WASF1: variants seen among roughly 807,000 people sequenced by gnomAD.
The protein encoded by WASF1 is actin-binding protein WASF1.
WASF1 carries 7 observed loss-of-function variants against 50.5 expected under a neutral mutation model. The ratio of observed to expected loss-of-function variants is 0.14; its 90% CI spans 0.08 to 0.26. The LOEUF is 0.26. Ranked by LOEUF, WASF1 falls within the 10% of genes least tolerant of loss-of-function variation. The pLI is 1.00. For missense variants in WASF1, 470 were observed against 694.7 expected (o/e 0.68, Z 3.64); for synonymous variants, 205 against 244.0 (o/e 0.84, Z 1.49).
At chr6:110,147,191 CA>C (rs1252641431) in intron 3 of WASF1, among the ~76,000 whole-genome samples, 1 of 151,746 alleles carries the variant, frequency 6.6e-6, no homozygotes. Context: ...ACTAAAAATA[CA>C]AAAATTAGCC....
chr6:110,117,470 G>A (rs1773865577), intron 4 of WASF1, among the ~76,000 whole-genome samples: 1 of 152,110 alleles, frequency 6.6e-6, no homozygotes. Context: ...TAAAAAAAGA[G>A]TGAAAAGAAA....
At chr6:110,132,202 T>A (rs912518385) in intron 3 of WASF1, among the ~76,000 whole-genome samples, 2 of 152,092 alleles carry the variant, frequency 1.3e-5, no homozygotes, top group Non-Finnish European at 2.9e-5. Context: ...TTTTTAATAT[T>A]GACCCTATAT....
At chr6:110,107,231 A>G in intron 6 of WASF1, 37 bp from the exon 7 acceptor site, 1 of 1,317,626 alleles carries the variant, frequency 7.6e-7, no homozygotes, top group Non-Finnish European at 1.1e-6. Context: ...ACACATTAGT[A>G]AGACTTAGGC....
intron 4 of WASF1, among the ~76,000 whole-genome samples, chr6:110,124,274 CTATATATATATATATATATATATATA>C (rs35703116): frequency 9.7e-5 from 2 of 20,516 alleles, no homozygotes; most frequent in Non-Finnish European, 1.5e-4. Flanking sequence ...CTCTCTCTCT[CTATATATATATATATATATATATATA>C]TATATATATG....
At chr6:110,175,015 TCA>T (rs1409678230) in intron 2 of WASF1, among the ~76,000 whole-genome samples, 1 of 152,124 alleles carries the variant, frequency 6.6e-6, no homozygotes, top group Non-Finnish European at 1.5e-5. Context: ...CTCAAGGAGT[TCA>T]CAGATTCACT....
At chr6:110,174,945 G>A (rs894830801) in intron 2 of WASF1, among the ~76,000 whole-genome samples, 15 of 152,046 alleles carry the variant, frequency 9.9e-5, no homozygotes, top group African/African-American at 2.4e-5. Context: ...AACAGGCACT[G>A]GGAACACAAA....
At chr6:110,144,779 C>A (rs1775459687) in intron 3 of WASF1, among the ~76,000 whole-genome samples, 3 of 152,128 alleles carry the variant, frequency 2.0e-5, no homozygotes, top group Admixed American at 2.0e-4. Flanking sequence ...AGATATGCGG[C>A]ATTATTTCTG....
chr6:110,106,953 A>G, intron 7 of WASF1, 124 bp downstream of exon 7: 2 of 686,184 alleles, frequency 2.9e-6, no homozygotes, highest in South Asian at 1.8e-5. Flanking sequence ...TAAAGACTTC[A>G]GTATTTAACT....
intron 3 of WASF1, among the ~76,000 whole-genome samples, chr6:110,132,291 C>T (rs966774202): frequency 5.9e-5 from 9 of 151,742 alleles, no homozygotes; most frequent in African/African-American, 2.2e-4. Context: ...TGAATAGTGA[C>T]GATTTCCTCC....
At chr6:110,119,498 T>C (rs1279052426) in intron 4 of WASF1, among the ~76,000 whole-genome samples, 2 of 151,992 alleles carry the variant, frequency 1.3e-5, no homozygotes, top group Non-Finnish European at 2.9e-5. Flanking sequence ...AGGAAGAAGG[T>C]GAATCTCTGA....
At chr6:110,167,345 G>A (rs1311281038) in intron 2 of WASF1, among the ~76,000 whole-genome samples, 2 of 151,622 alleles carry the variant, frequency 1.3e-5, no homozygotes, top group Non-Finnish European at 2.9e-5. Flanking sequence ...GCTCTTTCAG[G>A]AGGTATTCCA....
chr6:110,145,993 GA>G (rs1159837733), intron 3 of WASF1, among the ~76,000 whole-genome samples: 4 of 110,924 alleles, frequency 3.6e-5, no homozygotes, highest in Non-Finnish European at 7.0e-5. Context: ...GGGGTGGGGG[GA>G]GGGGGGAGGG....
At chr6:110,164,461 G>A (rs1394361891) in intron 2 of WASF1, among the ~76,000 whole-genome samples, 1 of 151,652 alleles carries the variant, frequency 6.6e-6, no homozygotes, top group African/African-American at 2.4e-5. Flanking sequence ...ATGAAAAGAT[G>A]CTCAACATCA....
intron 5 of WASF1, among the ~76,000 whole-genome samples, 158 bp downstream of exon 5, chr6:110,113,168 G>A (rs1773645194): frequency 6.6e-6 from 1 of 151,982 alleles, no homozygotes; most frequent in Non-Finnish European, 1.5e-5. Flanking sequence ...TCATACTGAT[G>A]GCATTTTTAG....
At chr6:110,121,958 C>G (rs2114500211) in intron 4 of WASF1, among the ~76,000 whole-genome samples, 1 of 151,936 alleles carries the variant, frequency 6.6e-6, no homozygotes, top group Admixed American at 6.6e-5. Flanking sequence ...ACCAGATGTT[C>G]TCACTCCTAG....
intron 3 of WASF1, among the ~76,000 whole-genome samples, chr6:110,151,675 G>A (rs1278290891): frequency 6.6e-6 from 1 of 152,040 alleles, no homozygotes; most frequent in Non-Finnish European, 1.5e-5. Context: ...TCACAATTTT[G>A]AGTGAACTTA....
chr6:110,120,452 T>C (rs1774045220), intron 4 of WASF1, among the ~76,000 whole-genome samples: 1 of 152,066 alleles, frequency 6.6e-6, no homozygotes, highest in Non-Finnish European at 1.5e-5. Context: ...ACAAAGAGAA[T>C]AAAATACCTA....
At chr6:110,105,614 T>C in intron 7 of WASF1, 35 bp from the exon 8 acceptor site, 1 of 1,594,626 alleles carries the variant, frequency 6.3e-7, no homozygotes, top group South Asian at 1.1e-5. Flanking sequence ...GTCAAATGCT[T>C]AAGCGCTAAT....
intron 4 of WASF1, among the ~76,000 whole-genome samples, chr6:110,126,619 T>C (rs1225055142): frequency 6.6e-6 from 1 of 152,158 alleles, no homozygotes; most frequent in African/African-American, 2.4e-5. Context: ...ATGAGATAAA[T>C]CTAGGACCAC....
Sources: allele counts gnomAD v4.1 joint callset (sites outside exome capture counted in the v4.1 genomes callset), GRCh38; gene constraint gnomAD v4.1.1; transcripts MANE v1.5; gene names NCBI Gene and HGNC (gene_info 2026-07-23, HGNC 2026-07-21).